The following RAPGEF1 variants were observed in gnomAD, a reference collection of about 807,000 sequenced individuals.
RAPGEF1 encodes the protein Rap guanine nucleotide exchange factor 1.
A neutral mutation model predicts 143.3 loss-of-function variants in RAPGEF1; 33 were observed. The ratio of observed to expected loss-of-function variants is 0.23; its 90% CI spans 0.17 to 0.31. RAPGEF1 has a LOEUF of 0.31. Among genes scored for constraint, RAPGEF1 ranks in the 10% least tolerant of loss-of-function variants. The pLI, the probability that RAPGEF1 is intolerant of heterozygous loss-of-function variation, is 1.00. For missense variants in RAPGEF1, 1,199 were observed against 1,645.4 expected, an observed-to-expected ratio of 0.73 and a Z score of 4.69; for synonymous variants, 629 against 676.5, an observed-to-expected ratio of 0.93 and a Z score of 1.09.
At chr9:131,616,131 T>A (rs1041982221) in intron 12 of RAPGEF1, among the ~76,000 whole-genome samples, 3 of 151,814 alleles carry the variant, frequency 2.0e-5, no homozygotes, top group African/African-American at 7.3e-5. Flanking sequence ...AGCTGGGCGT[T>A]GTGGAGGGCG....
At chr9:131,594,943 C>T (rs1469019084) in intron 17 of RAPGEF1, among the ~76,000 whole-genome samples, 1 of 152,252 alleles carries the variant, frequency 6.6e-6, no homozygotes, top group Non-Finnish European at 1.5e-5. Context: ...GCTCCCATGC[C>T]TGGCTGAGTA....
intron 1 of RAPGEF1, among the ~76,000 whole-genome samples, chr9:131,736,636 T>C (rs1837434681): frequency 6.6e-6 from 1 of 152,110 alleles, no homozygotes; most frequent in South Asian, 2.1e-4. Flanking sequence ...TATCAGGCAA[T>C]GCAAGGGGGC....
At chr9:131,731,440 AG>A (rs1048416564) in intron 1 of RAPGEF1, among the ~76,000 whole-genome samples, 3 of 152,196 alleles carry the variant, frequency 2.0e-5, no homozygotes, top group African/African-American at 7.2e-5. Context: ...GTTTCCAACC[AG>A]GGGTTTTGTT....
chr9:131,709,505 G>GCTTT (rs1313114403), intron 1 of RAPGEF1: 3 of 874,292 alleles, frequency 3.4e-6, no homozygotes, highest in Non-Finnish European at 5.4e-6. Flanking sequence ...GACTACCTGT[G>GCTTT]CTTTCTGCTC....
At chr9:131,712,768 C>T (rs1271276819) in intron 1 of RAPGEF1, among the ~76,000 whole-genome samples, 1 of 151,852 alleles carries the variant, frequency 6.6e-6, no homozygotes, top group African/African-American at 2.4e-5. Context: ...GGACATTTTT[C>T]CTTGAGAGAA....
At position 131,586,841 on chromosome 9, in the gene RAPGEF1, A is replaced by AACACACAC. The variant is rs71374111; in HGVS notation, c.3233+887_3233+894dup. Among the ~76,000 whole-genome samples the AACACACAC allele has an allele frequency of 7.8e-5, 2 of 25,552 alleles. 1 individual carries two copies. Among genetic ancestry groups the AACACACAC allele is most frequent in the Non-Finnish European group, 1.5e-4 (2 of 13,148 alleles). The allele number at this position is 25,552 out of a possible 152,430, so 16.8% of individuals were successfully genotyped here. ...ACCTGCAGAGCGAGACTCCGTCTCA[A>AACACACAC]ACACACACACACACACACACACACC... On this transcript the variant is annotated intron_variant, in intron 22 of 26. Transcript: ENST00000683357.
intron 1 of RAPGEF1, among the ~76,000 whole-genome samples, chr9:131,731,696 TGG>T (rs1293062453): frequency 6.6e-6 from 1 of 152,240 alleles, no homozygotes; most frequent in Non-Finnish European, 1.5e-5. Flanking sequence ...AACCCAGCCC[TGG>T]GCAAACCACA....
intron 12 of RAPGEF1, among the ~76,000 whole-genome samples, chr9:131,608,730 AC>A (rs1957519814): frequency 6.6e-6 from 1 of 152,204 alleles, no homozygotes; most frequent in Admixed American, 6.5e-5. Context: ...CCTTCTGATC[AC>A]CATGAAGCCC....
chr9:131,590,042 T>G lies in RAPGEF1; in HGVS notation c.2775-64A>C, dbSNP rs1588232425. 2.1e-6 allele frequency: 3 copies of G among 1,424,366 alleles called. No individual in the cohort carries two copies. The East Asian group carries it at 6.8e-5, about 33-fold the overall frequency. 88.2% of individuals were successfully genotyped at this position (1,424,366 alleles called of 1,614,324 possible). A position where few individuals can be genotyped will look rare whatever the true frequency, so the allele number is the denominator to read the frequency against. The stretch of plus-strand genomic sequence containing the variant: ...GAGGGTGGTGGAGTGGAGGACTGAC[T>G]CCTGGTGACCACTCACTGAGCGCTC... On this transcript the variant is annotated intron_variant, in intron 18 of 26. Coordinates refer to ENST00000683357, the MANE Select transcript of RAPGEF1 (RefSeq NM_001377935.1).
intron 11 of RAPGEF1, 121 bp from the exon 12 acceptor site, chr9:131,619,327 G>C: frequency 1.1e-6 from 1 of 877,748 alleles, no homozygotes; most frequent in Non-Finnish European, 1.6e-6. Flanking sequence ...AGACGTTCTG[G>C]AGAGGGATGG....
chr9:131,739,760 C>G lies in RAPGEF1; in HGVS notation c.61+10G>C. The G allele has an allele frequency of 8.7e-7, 1 of 1,153,314 alleles. No individual in the cohort carries two copies. The highest frequency in any genetic ancestry group is 7.4e-5 in the East Asian group (1 of 13,448). The allele number at this position is 1,153,314 out of a possible 1,614,324, so 71.4% of individuals were successfully genotyped here. On this transcript the variant is annotated intron_variant, in intron 1 of 26. Transcript: ENST00000683357. ...CGGCCGGAGGGAGCCGCCCCACGCC[C>G]GCGCCTCACCTGCTTTCTCGATCTT...
At chr9:131,622,160 A>T (rs1234688739) in intron 10 of RAPGEF1, among the ~76,000 whole-genome samples, 162 bp from the exon 11 acceptor site, 1 of 151,966 alleles carries the variant, frequency 6.6e-6, no homozygotes, top group Non-Finnish European at 1.5e-5. Context: ...ATGAAATCAC[A>T]CTCTGTCTGA....
At chr9:131,582,114 A>G (rs1951951366) in intron 25 of RAPGEF1, among the ~76,000 whole-genome samples, 1 of 152,124 alleles carries the variant, frequency 6.6e-6, no homozygotes, top group Non-Finnish European at 1.5e-5. Flanking sequence ...CCTCTCGCCC[A>G]TGGTCCACGC....
At chr9:131,652,478 C>T (rs950843210) in intron 1 of RAPGEF1, among the ~76,000 whole-genome samples, 1 of 152,040 alleles carries the variant, frequency 6.6e-6, no homozygotes, top group Non-Finnish European at 1.5e-5. Flanking sequence ...AAAATATTTT[C>T]TTTCTTTATA....
chr9:131,601,832 G>A (rs965604992), intron 15 of RAPGEF1, among the ~76,000 whole-genome samples: 8 of 152,156 alleles, frequency 5.3e-5, no homozygotes, highest in Non-Finnish European at 1.2e-4. Flanking sequence ...GCTTGAGCCC[G>A]GGAGTTCAAG....
intron 17 of RAPGEF1, among the ~76,000 whole-genome samples, chr9:131,592,508 G>A (rs1954494906): frequency 6.6e-6 from 1 of 152,122 alleles, no homozygotes; most frequent in African/African-American, 2.4e-5. Context: ...GCCAACTCTG[G>A]TCCCAGCGGA....
chr9:131,739,250 AG>A (rs1328090909), intron 1 of RAPGEF1, among the ~76,000 whole-genome samples: 4 of 152,132 alleles, frequency 2.6e-5, no homozygotes, highest in Non-Finnish European at 5.9e-5. Flanking sequence ...CGGGGTGGGG[AG>A]GGGAAACTTG....
intron 22 of RAPGEF1, among the ~76,000 whole-genome samples, chr9:131,586,257 A>AACACACACACACAC (rs55722149): frequency 4.4e-5 from 4 of 91,422 alleles, no homozygotes; most frequent in African/African-American, 1.5e-4. Flanking sequence ...CTCTGTCTCA[A>AACACACACACACAC]ACACACACAC....
intron 1 of RAPGEF1, among the ~76,000 whole-genome samples, chr9:131,690,102 C>CA (rs1016978044): frequency 6.6e-6 from 1 of 152,052 alleles, no homozygotes; most frequent in African/African-American, 2.4e-5. Flanking sequence ...TGATATAAAA[C>CA]AGTTTAAATT....
Sources: allele counts gnomAD v4.1 joint callset (sites outside exome capture counted in the v4.1 genomes callset), GRCh38; gene constraint gnomAD v4.1.1; transcripts MANE v1.5; gene names NCBI Gene and HGNC (gene_info 2026-07-23, HGNC 2026-07-21).